SUMF1: variants seen among roughly 807,000 people sequenced by gnomAD.
The protein encoded by SUMF1 is sulfatase modifying factor 1.
In SUMF1, 48 loss-of-function variants were observed where a neutral mutation model predicts 47.6. The ratio of observed to expected loss-of-function variants is 1.01; its 90% confidence interval spans 0.80 to 1.28. The LOEUF (loss-of-function observed/expected upper bound fraction) is 1.28, where lower values mean the gene tolerates loss of function less well. Among genes scored for constraint, SUMF1 ranks in the 50% most tolerant of loss-of-function variants. The pLI is 0.00. For synonymous variants in SUMF1, 230 were observed against 192.1 expected, an observed-to-expected ratio of 1.20 and a Z score of -1.63; for missense variants, 571 against 485.4, an observed-to-expected ratio of 1.18 and a Z score of -1.66.
In SUMF1 at chr3:4,181,896, TCTGTGCTACTGCATTCTGGCAC is replaced by T. The variant is rs553758695; in HGVS notation, c.1015-113173_1015-113152del. Among the ~76,000 whole-genome samples, 1,031 of 152,278 alleles carry T rather than the reference TCTGTGCTACTGCATTCTGGCAC, an allele frequency of 6.8e-3. 11 individuals are homozygous for T. The highest frequency in any genetic ancestry group is 0.024 in the African/African-American group (977 of 41,538). ...GGGAACACAGGCTGCTGATTGGCTG[TCTGTGCTACTGCATTCTGGCAC>T]TGAGCTCTGAAGACTCCAGAACCTG... On this transcript the variant is annotated intron_variant and NMD_transcript_variant, in intron 8 of 12. Coordinates refer to the SUMF1 transcript ENST00000448413.
intron 8 of SUMF1, among the ~76,000 whole-genome samples, chr3:4,349,095 C>G (rs562327735): frequency 1.3e-5 from 2 of 152,320 alleles, no homozygotes; most frequent in African/African-American, 2.4e-5. Context: ...TTTTTGCAAT[C>G]TACCCATCTG....
At chr3:4,277,032 A>T (rs1426943245) in intron 8 of SUMF1, among the ~76,000 whole-genome samples, 6 of 152,140 alleles carry the variant, frequency 3.9e-5, no homozygotes, top group African/African-American at 9.6e-5. Flanking sequence ...TAGATCTGGA[A>T]GACTTTGGAG....
intron 8 of SUMF1, among the ~76,000 whole-genome samples, chr3:4,235,586 C>A (rs940057693): frequency 2.0e-5 from 3 of 152,058 alleles, no homozygotes; most frequent in African/African-American, 7.2e-5. Flanking sequence ...AAATGCTTTA[C>A]GATATTCTGT....
intron 8 of SUMF1, among the ~76,000 whole-genome samples, chr3:4,291,024 G>C (rs1697730913): frequency 6.6e-6 from 1 of 152,170 alleles, no homozygotes; most frequent in South Asian, 2.1e-4. Context: ...AGGAGAGGTA[G>C]TGATACTGCC....
intron 9 of SUMF1, among the ~76,000 whole-genome samples, chr3:4,068,374 C>T (rs775795803): frequency 8.0e-4 from 122 of 151,838 alleles, no homozygotes; most frequent in Admixed American, 1.5e-3. Flanking sequence ...ATCAAAGTTT[C>T]AAAAATTTAC....
chr3:4,152,140 G>T (rs1367526634), intron 8 of SUMF1, among the ~76,000 whole-genome samples: 1 of 151,550 alleles, frequency 6.6e-6, no homozygotes, highest in Non-Finnish European at 1.5e-5. Flanking sequence ...CACTGGGGAA[G>T]GGAGCAGTGC....
chr3:4,307,142 A>G (rs962302174), intron 8 of SUMF1, among the ~76,000 whole-genome samples: 3 of 152,238 alleles, frequency 2.0e-5, no homozygotes, highest in Non-Finnish European at 4.4e-5. Context: ...GAAGATTTTC[A>G]CAACACTTCT....
intron 8 of SUMF1, among the ~76,000 whole-genome samples, chr3:4,231,442 G>A (rs1305913213): frequency 2.6e-5 from 4 of 152,274 alleles, no homozygotes; most frequent in African/African-American, 2.4e-5. Context: ...TAGAAAGCAT[G>A]CTACTAATAC....
chr3:4,130,973 G>C lies in SUMF1; in HGVS notation c.1015-62228C>G, dbSNP rs113347274. ...GGGATGCTGTTTGGAGCCTTTGGCA[G>C]GCCCCCATAGGTGAATCACTGCAGA... On this transcript the variant is annotated intron_variant and NMD_transcript_variant, in intron 8 of 12. Coordinates refer to the SUMF1 transcript ENST00000448413. Among the ~76,000 whole-genome samples the C allele has an allele frequency of 1.3e-3, 203 of 152,228 alleles. 1 individual carries two copies. Among genetic ancestry groups the C allele is most frequent in the African/African-American group, 4.5e-3 (186 of 41,518 alleles).
intron 8 of SUMF1, among the ~76,000 whole-genome samples, chr3:4,107,111 G>A (rs1021312446): frequency 6.6e-6 from 1 of 152,034 alleles, no homozygotes. Context: ...GCATGGAGGA[G>A]CTTCACGGAC....
chr3:4,286,378 ATCT>A (rs1697633009), intron 8 of SUMF1, among the ~76,000 whole-genome samples: 1 of 152,142 alleles, frequency 6.6e-6, no homozygotes, highest in Admixed American at 6.5e-5. Flanking sequence ...GGCTGGGAAC[ATCT>A]TCTAATACAG....
intron 8 of SUMF1, among the ~76,000 whole-genome samples, chr3:4,166,605 C>T (rs920890840): frequency 1.3e-5 from 2 of 152,124 alleles, no homozygotes; most frequent in African/African-American, 2.4e-5. Context: ...TTTTTAGAAG[C>T]ATGACTAGCC....
chr3:4,179,816 G>C (rs1695052643), intron 8 of SUMF1, among the ~76,000 whole-genome samples: 2 of 152,046 alleles, frequency 1.3e-5, no homozygotes, highest in Admixed American at 1.3e-4. Flanking sequence ...CTAAGATCCA[G>C]AATCTACAAT....
intron 8 of SUMF1, among the ~76,000 whole-genome samples, chr3:4,162,174 T>TA (rs2125114706): frequency 1.3e-5 from 2 of 152,226 alleles, no homozygotes; most frequent in African/African-American, 4.8e-5. Context: ...GCTGAGCTGA[T>TA]ATCCAAGTTG....
At chr3:4,448,583 G>A (rs775706190) in intron 3 of SUMF1, among the ~76,000 whole-genome samples, 25 of 152,146 alleles carry the variant, frequency 1.6e-4, no homozygotes, top group Admixed American at 3.3e-4. Context: ...CAAGAGACAT[G>A]TAAGCAAGCA....
At chr3:4,076,040 C>G (rs1457229484) in intron 8 of SUMF1, among the ~76,000 whole-genome samples, 2 of 152,034 alleles carry the variant, frequency 1.3e-5, no homozygotes. Flanking sequence ...CAAGACAATC[C>G]TAAGCAAAAA....
intron 7 of SUMF1, among the ~76,000 whole-genome samples, chr3:4,403,314 T>G (rs1701274070): frequency 6.6e-6 from 1 of 152,122 alleles, no homozygotes; most frequent in Admixed American, 6.6e-5. Flanking sequence ...GGATGTAATC[T>G]GAGACCTGAT....
chr3:4,435,009 C>A (rs1213010481), intron 3 of SUMF1, among the ~76,000 whole-genome samples: 1 of 152,120 alleles, frequency 6.6e-6, no homozygotes, highest in Non-Finnish European at 1.5e-5. Context: ...CTCACTGCAA[C>A]CTCCGCCACC....
chr3:4,235,130 G>C (rs1448437955), intron 8 of SUMF1, among the ~76,000 whole-genome samples: 1 of 152,110 alleles, frequency 6.6e-6, no homozygotes, highest in Non-Finnish European at 1.5e-5. Context: ...CTGGACAAGA[G>C]CAACAGCAGT....
Sources: allele counts gnomAD v4.1 joint callset (sites outside exome capture counted in the v4.1 genomes callset), GRCh38; gene constraint gnomAD v4.1.1; transcripts MANE v1.5; gene names NCBI Gene and HGNC (gene_info 2026-07-23, HGNC 2026-07-21).